The following ARHGAP23 variants were observed in gnomAD, a reference collection of about 807,000 sequenced individuals.
ARHGAP23 encodes the protein Rho GTPase activating protein 23, also known as rho GTPase-activating protein 23.
ARHGAP23 carries 34 observed loss-of-function variants against 136.3 expected under a neutral mutation model. The ratio of observed to expected loss-of-function variants is 0.25; its 90% confidence interval spans 0.19 to 0.33. The LOEUF (loss-of-function observed/expected upper bound fraction) is 0.33. Ranked by LOEUF, ARHGAP23 falls within the 10% of genes least tolerant of loss-of-function variation. The probability of loss-of-function intolerance (pLI) is 1.00; values close to 1 mark genes in which losing one functional copy is unlikely to be tolerated. For synonymous variants in ARHGAP23, 832 were observed against 920.5 expected (o/e 0.90, Z 1.74); for missense variants, 1,808 against 2,139.0 (o/e 0.85, Z 3.05).
chr17:38,510,401 C>T lies in ARHGAP23; in HGVS notation c.3905C>T (p.Thr1302Ile). 3 of 1,240,214 alleles carry T rather than the reference C, an allele frequency of 2.4e-6. No homozygotes were observed. Among genetic ancestry groups the T allele is most frequent in the Non-Finnish European group, 3.0e-6 (3 of 993,378 alleles). 76.8% of individuals were successfully genotyped at this position (1,240,214 alleles called of 1,614,324 possible). The change falls in exon 24 of 24, where the codon ACA becomes ATA. Residue 1302 changes from threonine to isoleucine, a missense_variant. Physicochemically the swap from Thr to Ile is moderately conservative, Grantham distance 89. Transcript: ENST00000622683. This position sits in a 1 kb window ranked among gnomAD's most constrained non-coding sequence, Gnocchi z 4.6. ...GGCGCGGGGCCTGGGGGGCGCCTGACACGCCGGCCGTCCTTCAGCTCGCAC... is the reference window on the plus strand; with the variant it reads ...GGCGCGGGGCCTGGGGGGCGCCTGATACGCCGGCCGTCCTTCAGCTCGCAC... ...AAGAGPGGRL[T>I]RRPSFSSHHL... is the part of the protein sequence containing the mutation.
intron 10 of ARHGAP23, among the ~76,000 whole-genome samples, chr17:38,470,361 C>A (rs1441023929): frequency 6.6e-6 from 1 of 152,218 alleles, no homozygotes; most frequent in African/African-American, 2.4e-5. Context: ...ATATTTGGGG[C>A]TTCATTTGTT....
intron 11 of ARHGAP23, among the ~76,000 whole-genome samples, chr17:38,474,686 C>T (rs998987734): frequency 3.3e-5 from 5 of 152,136 alleles, no homozygotes; most frequent in East Asian, 1.9e-4. Context: ...TCAGCACCGA[C>T]GAGTTACCTG....
At chr17:38,493,387 T>A (rs2144763149) in intron 20 of ARHGAP23, among the ~76,000 whole-genome samples, 1 of 152,110 alleles carries the variant, frequency 6.6e-6, no homozygotes, top group South Asian at 2.1e-4. Flanking sequence ...AGATGAGGTC[T>A]TACTATGTTG....
chr17:38,423,003 GC>G (rs2038534105), intron 1 of ARHGAP23, among the ~76,000 whole-genome samples: 1 of 152,114 alleles, frequency 6.6e-6, no homozygotes, highest in Non-Finnish European at 1.5e-5. Context: ...AACCCTGCCT[GC>G]CTCCCAAGAC....
At chr17:38,439,239 G>A (rs952890483) in intron 1 of ARHGAP23, among the ~76,000 whole-genome samples, 18 of 151,108 alleles carry the variant, frequency 1.2e-4, no homozygotes, top group South Asian at 2.1e-4. Context: ...TTGCTGTACC[G>A]TCTCTTTCCC....
At chr17:38,497,986 C>T (rs1283227030) in intron 21 of ARHGAP23, among the ~76,000 whole-genome samples, 160 bp downstream of exon 21, 1 of 152,152 alleles carries the variant, frequency 6.6e-6, no homozygotes, top group Non-Finnish European at 1.5e-5. Context: ...TCCTCAGGAG[C>T]CCCTAGTCTG....
chr17:38,424,194 C>T (rs1052729813), upstream of ARHGAP23, among the ~76,000 whole-genome samples: 2 of 152,086 alleles, frequency 1.3e-5, no homozygotes, highest in South Asian at 2.1e-4. Context: ...CTCTGGAGCC[C>T]CACCCTCCAG....
chr17:38,464,304 A>ACACACT (rs1293667030), intron 6 of ARHGAP23, among the ~76,000 whole-genome samples: 1 of 151,864 alleles, frequency 6.6e-6, no homozygotes, highest in East Asian at 1.9e-4. Flanking sequence ...ACACACACAC[A>ACACACT]CACACTCACA....
chr17:38,484,770 G>T (rs1215700495), intron 16 of ARHGAP23, among the ~76,000 whole-genome samples: 1 of 152,140 alleles, frequency 6.6e-6, no homozygotes, highest in Non-Finnish European at 1.5e-5. Flanking sequence ...AGGTATATTG[G>T]GTGTGTTGTT....
At chr17:38,461,041 T>C in intron 3 of ARHGAP23, 109 bp downstream of exon 3, 1 of 1,476,146 alleles carries the variant, frequency 6.8e-7, no homozygotes. Context: ...CCCCCTCCCT[T>C]GACTCCTGTT....
At chr17:38,468,888 T>C (rs544878817) in intron 7 of ARHGAP23, among the ~76,000 whole-genome samples, 1 of 152,144 alleles carries the variant, frequency 6.6e-6, no homozygotes, top group South Asian at 2.1e-4. Context: ...CCCAGTCTGA[T>C]GGGGGAATAT....
chr17:38,507,523 CT>C (rs1466289359), intron 23 of ARHGAP23, among the ~76,000 whole-genome samples: 2 of 152,158 alleles, frequency 1.3e-5, no homozygotes, highest in Non-Finnish European at 2.9e-5. Context: ...CCTGATCTCT[CT>C]GTGAATCTGC....
At chr17:38,465,550 G>T (rs909543264) in intron 6 of ARHGAP23, among the ~76,000 whole-genome samples, 1 of 152,234 alleles carries the variant, frequency 6.6e-6, no homozygotes, top group African/African-American at 2.4e-5. Flanking sequence ...GCAATGCAGC[G>T]TCAGCCTCAG....
At chr17:38,501,784 T>C (rs969498375) in intron 23 of ARHGAP23, among the ~76,000 whole-genome samples, 1 of 151,906 alleles carries the variant, frequency 6.6e-6, no homozygotes, top group Non-Finnish European at 1.5e-5. Context: ...CCCCCAACAA[T>C]GAAAACTTCA....
intron 16 of ARHGAP23, among the ~76,000 whole-genome samples, chr17:38,484,420 G>C (rs1334380749): frequency 6.6e-6 from 1 of 152,076 alleles, no homozygotes. Flanking sequence ...ATAAACAGGC[G>C]CTATATTGAG....
chr17:38,510,566 C>T lies in ARHGAP23; in HGVS notation c.4070C>T (p.Pro1357Leu). The stretch of plus-strand genomic sequence containing the variant: ...TCCAGCAGCCAGGAGTCGCTGCGGC[C>T]CCCGGCGGCGGCGCTGGCCTCCCGG... ...ASSSSQESLR[P>L]PAAALASRPS... Residue 1357 changes from proline to leucine, a missense_variant, in exon 24 of 24, where the codon CCC (proline) becomes CTC (leucine). Pro to Leu is a moderately conservative substitution (Grantham distance 98). This residue lies in a region of ARHGAP23 where 506 missense variants were observed against 455.8 expected (regional missense o/e 1.11). Coordinates refer to ENST00000622683, the MANE Select transcript of ARHGAP23 (RefSeq NM_001199417.2). The surrounding 1 kb of genome is among the most constrained non-coding windows in gnomAD (Gnocchi z 4.6). 1.6e-6 allele frequency: 2 copies of T among 1,238,538 alleles called. No individual in the cohort carries two copies. The highest frequency in any genetic ancestry group is 2.0e-6 in the Non-Finnish European group (2 of 991,164). The allele number at this position is 1,238,538 out of a possible 1,614,324, so 76.7% of individuals were successfully genotyped here.
At chr17:38,450,388 C>T (rs954332243) in intron 1 of ARHGAP23, 1 of 151,982 alleles carries the variant, frequency 6.6e-6, no homozygotes, top group Non-Finnish European at 1.5e-5. Flanking sequence ...TCTCTTTGAG[C>T]CTCAGTTTCT....
At position 38,510,599 on chromosome 17, in the gene ARHGAP23, G is replaced by T. The variant is rs2040738936; in HGVS notation, c.4103G>T (p.Arg1368Leu). ...PAAALASRPS[R>L]MEALRLRLRG... The stretch of plus-strand genomic sequence containing the variant: ...GCGGCGCTGGCCTCCCGGCCCTCGC[G>T]CATGGAGGCGCTGCGTCTAAGGCTC... Residue 1368 changes from arginine (R) to leucine (L), a missense_variant, in exon 24 of 24, where the codon CGC becomes CTC. By Grantham distance (102) the Arg-to-Leu change is moderately radical (BLOSUM62 -2). Transcript: ENST00000622683. This position sits in a 1 kb window ranked among gnomAD's most constrained non-coding sequence, Gnocchi z 4.6. 7.8e-7 allele frequency: 1 copy of T among 1,285,660 alleles called. No homozygotes were observed. Among genetic ancestry groups the T allele is most frequent in the Non-Finnish European group, 9.8e-7 (1 of 1,020,570 alleles). The allele number at this position is 1,285,660 out of a possible 1,614,324, so 79.6% of individuals were successfully genotyped here. A position where few individuals can be genotyped will look rare whatever the true frequency, so the allele number is the denominator to read the frequency against.
chr17:38,476,595 G>C (rs1356224997), intron 11 of ARHGAP23, among the ~76,000 whole-genome samples: 2 of 152,214 alleles, frequency 1.3e-5, no homozygotes, highest in African/African-American at 4.8e-5. Flanking sequence ...CTTGGGAATG[G>C]CCATCAGCAG....
Sources: allele counts gnomAD v4.1 joint callset (sites outside exome capture counted in the v4.1 genomes callset), GRCh38; gene constraint gnomAD v4.1.1; regional missense constraint gnomAD v4.1.1; non-coding constraint Gnocchi (gnomAD v3.1); transcripts MANE v1.5; gene names NCBI Gene and HGNC (gene_info 2026-07-23, HGNC 2026-07-21).